Variants in ARL15 observed in about 807,000 individuals in gnomAD.
The protein encoded by ARL15 is ADP-ribosylation factor-like protein 15.
A neutral mutation model predicts 25.2 loss-of-function variants in ARL15; 19 were observed. That is an observed-to-expected ratio of 0.75 (90% confidence interval 0.53 to 1.10). The LOEUF is 1.10. ARL15 is among the 50% of genes least tolerant of loss of function. The pLI is 0.00. For missense variants in ARL15, 220 were observed against 246.0 expected, an observed-to-expected ratio of 0.89 and a Z score of 0.71; for synonymous variants, 94 against 86.8, an observed-to-expected ratio of 1.08 and a Z score of -0.46.
chr5:54,001,938 T>C (rs1267097484), intron 4 of ARL15, among the ~76,000 whole-genome samples: 1 of 152,156 alleles, frequency 6.6e-6, no homozygotes, highest in Non-Finnish European at 1.5e-5. Flanking sequence ...AATGATATGA[T>C]TTATATCTCA....
At chr5:53,939,500 G>A (rs1746461500) in intron 4 of ARL15, among the ~76,000 whole-genome samples, 1 of 152,168 alleles carries the variant, frequency 6.6e-6, no homozygotes, top group South Asian at 2.1e-4. Context: ...ACCTTCTGAG[G>A]CCGAGGTGGG....
Position 53,886,351 on chromosome 5 carries a change from C to G in ARL15, c.*210G>C. 1.9e-6 allele frequency: 1 copy of G among 513,880 alleles called. No homozygotes were observed. Among genetic ancestry groups the G allele is most frequent in the Non-Finnish European group, 3.4e-6 (1 of 296,750 alleles). The allele number at this position is 513,880 out of a possible 1,614,324, so 31.8% of individuals were successfully genotyped here. A position where few individuals can be genotyped will look rare whatever the true frequency, so the allele number is the denominator to read the frequency against. On this transcript the variant is annotated 3_prime_UTR_variant, in exon 5 of 5. Transcript: ENST00000504924. ...ATTAGTGGTAAACAGAGAATAAATT[C>G]TCTCTCAGTAGTGTGTACTTGACGT...
rs3836818 is a variant in ARL15 at position 54,075,073 on chromosome 5, G to GAAAA, written c.462+38125_462+38128dup. Among the ~76,000 whole-genome samples, 24 of 63,914 alleles carry GAAAA rather than the reference G, an allele frequency of 3.8e-4. 1 individual carries two copies. The highest frequency in any genetic ancestry group is 1.5e-3 in the African/African-American group (24 of 15,610). The allele number at this position is 63,914 out of a possible 152,430, so 41.9% of individuals were successfully genotyped here. A position where few individuals can be genotyped will look rare whatever the true frequency, so the allele number is the denominator to read the frequency against. On this transcript the variant is annotated intron_variant, in intron 4 of 4. Transcript: ENST00000504924. ...GAATGATTCTTAGTACAGAATACAG[G>GAAAA]AAAAAAAAAAAAAAAAAAAGTCCTG... is the stretch of plus-strand genomic sequence containing the variant.
At chr5:54,018,442 G>C (rs1363226437) in intron 4 of ARL15, among the ~76,000 whole-genome samples, 1 of 152,120 alleles carries the variant, frequency 6.6e-6, no homozygotes, top group Non-Finnish European at 1.5e-5. Flanking sequence ...TCTTCAGTCA[G>C]ACTTAAGCCA....
chr5:54,127,229 A>C (rs558256295), intron 3 of ARL15, among the ~76,000 whole-genome samples: 1 of 152,228 alleles, frequency 6.6e-6, no homozygotes, highest in Admixed American at 6.5e-5. Flanking sequence ...ACATTTTCTT[A>C]ATCCAGTCTA....
intron 3 of ARL15, among the ~76,000 whole-genome samples, chr5:54,134,568 CTTTTTTTTTTTT>C (rs5867914): frequency 1.2e-4 from 6 of 51,770 alleles, no homozygotes; most frequent in African/African-American, 1.6e-4. Flanking sequence ...GAATGATTAG[CTTTTTTTTTTTT>C]TTTTTTTTTT....
intron 4 of ARL15, among the ~76,000 whole-genome samples, chr5:53,902,279 G>C (rs1745093710): frequency 6.6e-6 from 1 of 152,192 alleles, no homozygotes; most frequent in African/African-American, 2.4e-5. Context: ...ATTTTGTCAA[G>C]TCTAGCTATT....
At position 54,234,722 on chromosome 5, in the gene ARL15, G is replaced by A. The variant is rs556861340; in HGVS notation, c.49-62794C>T. Among the ~76,000 whole-genome samples the A allele has an allele frequency of 7.9e-5, 12 of 152,264 alleles. No homozygotes were observed. In the East Asian group the frequency reaches 1.9e-3, roughly 24 times the overall value. Reference sequence around the variant, plus strand: ...AAATTATGGACTTAAATTTCTGTCTGTGTCAAAAAAGAGTAAAATGCACCC... The same window carrying A: ...AAATTATGGACTTAAATTTCTGTCTATGTCAAAAAAGAGTAAAATGCACCC... On this transcript the variant is annotated intron_variant, in intron 1 of 4. Transcript: ENST00000504924.
intron 4 of ARL15, among the ~76,000 whole-genome samples, chr5:54,107,733 G>C (rs12054905): frequency 0.11 from 16,456 of 152,130 alleles, 1,054 homozygotes; most frequent in Non-Finnish European, 0.15. Context: ...GGAAAGGAAT[G>C]GGGGTTTTAA....
At chr5:54,087,111 C>T (rs1038741066) in intron 4 of ARL15, among the ~76,000 whole-genome samples, 6 of 152,042 alleles carry the variant, frequency 3.9e-5, no homozygotes, top group African/African-American at 9.6e-5. Context: ...TCAAGGTGGG[C>T]GGATCACGAG....
chr5:54,040,423 T>A (rs1307771385), intron 4 of ARL15, among the ~76,000 whole-genome samples: 1 of 152,170 alleles, frequency 6.6e-6, no homozygotes, highest in African/African-American at 2.4e-5. Context: ...ACAACCATAA[T>A]TTTCAGAAAG....
At chr5:53,972,725 T>G (rs1358498644) in intron 4 of ARL15, among the ~76,000 whole-genome samples, 1 of 152,148 alleles carries the variant, frequency 6.6e-6, no homozygotes, top group Admixed American at 6.6e-5. Context: ...CAAGGCATTT[T>G]CTGTGGAACA....
intron 1 of ARL15, among the ~76,000 whole-genome samples, chr5:54,173,446 A>G (rs548952483): frequency 1.3e-5 from 2 of 152,246 alleles, no homozygotes; most frequent in South Asian, 2.1e-4. Flanking sequence ...GAGACCTATA[A>G]AAAAGCCTGT....
chr5:53,907,477 TATATATA>T (rs1245452798), intron 4 of ARL15, among the ~76,000 whole-genome samples: 4 of 32,424 alleles, frequency 1.2e-4, no homozygotes, highest in African/African-American at 5.4e-4. Flanking sequence ...TATATATATA[TATATATA>T]TATATTTTTT....
intron 3 of ARL15, among the ~76,000 whole-genome samples, chr5:54,125,065 TTTTTGTTTTGTTTTGTTTTG>T (rs1554041943): frequency 4.3e-4 from 65 of 151,452 alleles, no homozygotes; most frequent in African/African-American, 1.4e-3. Context: ...GTAAGCAAGT[TTTTTGTTTTGTTTTGTTTTG>T]TTTTTTTTTT....
intron 1 of ARL15, among the ~76,000 whole-genome samples, chr5:54,230,346 G>GAAAAAAAAAAAAAAAAAAAAGAAAAAAAA (rs137882615): frequency 2.2e-5 from 2 of 91,854 alleles, no homozygotes; most frequent in Non-Finnish European, 4.2e-5. Flanking sequence ...TTCCATCTCA[G>GAAAAAAAAAAAAAAAAAAAAGAAAAAAAA]AAAAAAAAAA....
chr5:54,133,558 C>T (rs1037933608), intron 3 of ARL15, among the ~76,000 whole-genome samples: 8 of 152,084 alleles, frequency 5.3e-5, no homozygotes, highest in African/African-American at 1.9e-4. Flanking sequence ...GACATGTGGC[C>T]GCTATAAGGT....
At chr5:53,951,567 G>C in intron 4 of ARL15, 1 of 473,884 alleles carries the variant, frequency 2.1e-6, no homozygotes, top group South Asian at 1.6e-5. Context: ...TAAAAGCACT[G>C]ATCTAGAGAA....
chr5:54,195,927 T>A (rs1200938191), intron 1 of ARL15, among the ~76,000 whole-genome samples: 3 of 151,808 alleles, frequency 2.0e-5, no homozygotes, highest in African/African-American at 7.3e-5. Context: ...GGCTGCAGAG[T>A]TTCAGTGCTC....
Sources: allele counts gnomAD v4.1 joint callset (sites outside exome capture counted in the v4.1 genomes callset), GRCh38; gene constraint gnomAD v4.1.1; transcripts MANE v1.5; gene names NCBI Gene and HGNC (gene_info 2026-07-23, HGNC 2026-07-21).